The following SCRN2 variants were observed in gnomAD, a reference collection of about 807,000 sequenced individuals.
The protein encoded by SCRN2 is secernin 2.
In SCRN2, 30 loss-of-function variants were observed where a neutral mutation model predicts 40.1. The observed-to-expected ratio is 0.75, with a 90% CI of 0.56 to 1.01. SCRN2 has a LOEUF of 1.01. SCRN2 is among the 50% of genes least tolerant of loss of function. The pLI, the probability that SCRN2 is intolerant of heterozygous loss-of-function variation, is 0.00. For synonymous variants in SCRN2, 240 were observed against 233.5 expected, an observed-to-expected ratio of 1.03 and a Z score of -0.25; for missense variants, 526 against 564.9, an observed-to-expected ratio of 0.93 and a Z score of 0.70.
chr17:47,837,760 G>T lies in SCRN2; in HGVS notation c.*84C>A. On this transcript the variant is annotated 3_prime_UTR_variant, in exon 8 of 8. Coordinates refer to ENST00000290216, the MANE Select transcript of SCRN2 (RefSeq NM_138355.4). The stretch of plus-strand genomic sequence containing the variant: ...TCAGAACATGGCCAAGGAGCGTGAA[G>T]GGATTGCTCCACTTTACCACCACTC... 6.9e-7 allele frequency: 1 copy of T among 1,458,308 alleles called. No homozygotes were observed. The highest frequency in any genetic ancestry group is 1.4e-5 in the South Asian group (1 of 73,908). 90.3% of individuals were successfully genotyped at this position (1,458,308 alleles called of 1,614,324 possible).
At chr17:47,838,115 T>C in intron 7 of SCRN2, 113 bp from the exon 8 acceptor site, 1 of 1,531,022 alleles carries the variant, frequency 6.5e-7, no homozygotes, top group Non-Finnish European at 8.7e-7. Flanking sequence ...CCCCCGACAT[T>C]CCCCAAAGGC....
In SCRN2 at chr17:47,838,838, GC is replaced by G. The variant is rs1346111847; in HGVS notation, c.724del (p.Ala242ProfsTer23). ...CCGCCCTGCCTGGAAGCGGGCCTTG[GC>G]AGCCTCCATGCGCACAGGCTGCTGG... is the stretch of plus-strand genomic sequence containing the variant. ...LTQQPVRMEA[A>X]KARFQAGREL... On this transcript the variant is annotated frameshift_variant, in exon 5 of 8. Transcript: ENST00000290216. LOFTEE classifies it high-confidence loss of function. The G allele has an allele frequency of 6.2e-7, 1 of 1,613,424 alleles. No homozygotes were observed. Among genetic ancestry groups the G allele is most frequent in the Non-Finnish European group, 8.5e-7 (1 of 1,180,046 alleles).
chr17:47,840,599 G>A (rs1420548017), intron 2 of SCRN2, 71 bp downstream of exon 2: 3 of 1,469,918 alleles, frequency 2.0e-6, no homozygotes, highest in East Asian at 2.3e-5. Flanking sequence ...GGTGTGGGGA[G>A]CAGGGAAGAA....
chr17:47,839,146 A>C, intron 4 of SCRN2, 140 bp from the exon 5 acceptor site: 1 of 850,664 alleles, frequency 1.2e-6, no homozygotes, highest in Non-Finnish European at 1.8e-6. Flanking sequence ...GGAGGCAGAC[A>C]AAATAATCAC....
Position 47,840,385 on chromosome 17 carries a change from G to A in SCRN2, c.175-13C>T. 1.9e-6 allele frequency: 3 copies of A among 1,613,130 alleles called. No homozygotes were observed. Among genetic ancestry groups the A allele is most frequent in the South Asian group, 2.2e-5 (2 of 91,062 alleles). The stretch of plus-strand genomic sequence containing the variant: ...CAATGTAGGTGCACTGGAGGTGAGG[G>A]AGGAGAAAGGAAGCGTCCACTCATA... On this transcript the variant is annotated splice_polypyrimidine_tract_variant and intron_variant, in intron 2 of 7. Coordinates refer to ENST00000290216, the MANE Select transcript of SCRN2 (RefSeq NM_138355.4).
At chr17:47,838,102 T>G (rs878295) in intron 7 of SCRN2, 100 bp from the exon 8 acceptor site, 532,671 of 1,540,662 alleles carry the variant, frequency 0.35, 99,149 homozygotes, top group Non-Finnish European at 0.39. Flanking sequence ...AGAAAGGAGA[T>G]ACCCCCCGAC....
rs150264707 is a variant in SCRN2, at chr17:47,839,020, C to A, written c.557-14G>T. Reference sequence around the variant, plus strand: ...TGCGGGCCCCCTCTGTGGAGGAGATCGGGGAGTGGTTCATTTACCATTGAG... The same window carrying A: ...TGCGGGCCCCCTCTGTGGAGGAGATAGGGGAGTGGTTCATTTACCATTGAG... On this transcript the variant is annotated splice_polypyrimidine_tract_variant and intron_variant, in intron 4 of 7. Transcript: ENST00000290216. 7 of 1,612,126 alleles carry A rather than the reference C, an allele frequency of 4.3e-6. No individual in the cohort carries two copies. The highest frequency in any genetic ancestry group is 5.9e-6 in the Non-Finnish European group (7 of 1,179,050).
intron 7 of SCRN2, 125 bp downstream of exon 7, chr17:47,838,145 A>G: frequency 6.6e-7 from 1 of 1,521,422 alleles, no homozygotes; most frequent in South Asian, 1.3e-5. Context: ...CTTTGAAGGG[A>G]GGAACTCCTC....
At position 47,838,920 on chromosome 17, in the gene SCRN2, T is replaced by G; in HGVS notation, c.643A>C (p.Lys215Gln). The G allele has an allele frequency of 6.2e-7, 1 of 1,613,996 alleles. No individual in the cohort carries two copies. Among genetic ancestry groups the G allele is most frequent in the Non-Finnish European group, 8.5e-7 (1 of 1,180,036 alleles). Residue 215 changes from lysine (K) to glutamine (Q), a missense_variant, in exon 5 of 8, where the codon AAG (lysine) becomes CAG (glutamine). Physicochemically the swap from Lys to Gln is moderately conservative, Grantham distance 53. Coordinates refer to ENST00000290216, the MANE Select transcript of SCRN2 (RefSeq NM_138355.4). The part of the protein sequence containing the change: ...HPELRTHAQA[K>Q]GWWDGQGAFD... ...GCACCCTGCCCATCCCACCAGCCCTTGGCCTGGGCATGAGTCCGCAGCTCC... is the reference window on the plus strand; with the variant it reads ...GCACCCTGCCCATCCCACCAGCCCTGGGCCTGGGCATGAGTCCGCAGCTCC...
intron 2 of SCRN2, 118 bp downstream of exon 2, chr17:47,840,527 GCTCAGGTCCAGGTTGGTAGACCTAA>G: frequency 3.2e-6 from 4 of 1,232,012 alleles, no homozygotes; most frequent in Non-Finnish European, 4.5e-6. Context: ...TACATAATGA[GCTCAGGTCCAGGTTGGTAGACCTAA>G]AGCTCATGCT....
chr17:47,840,857 G>A lies in SCRN2; in HGVS notation c.1-14C>T, dbSNP rs1469512139. On this transcript the variant is annotated splice_polypyrimidine_tract_variant and intron_variant, in intron 1 of 7. Coordinates refer to ENST00000290216, the MANE Select transcript of SCRN2 (RefSeq NM_138355.4). ...CGACGACGCCATCTGGGGAGAGGCG[G>A]GCCTCTCCATAACCCTGGCCACGGC... The A allele has an allele frequency of 6.6e-6, 10 of 1,510,354 alleles. No homozygotes were observed. In the Admixed American group the frequency reaches 2.0e-4, roughly 30 times the overall value. The allele number at this position is 1,510,354 out of a possible 1,614,324, so 93.6% of individuals were successfully genotyped here. A position where few individuals can be genotyped will look rare whatever the true frequency, so the allele number is the denominator to read the frequency against.
At chr17:47,839,728 C>A in intron 3 of SCRN2, 85 bp from the exon 4 acceptor site, 1 of 1,486,380 alleles carries the variant, frequency 6.7e-7, no homozygotes, top group Non-Finnish European at 9.3e-7. Context: ...AGAAGAGGCC[C>A]GGAGAGGTTT....
chr17:47,838,275 C>A lies in SCRN2; in HGVS notation c.1114G>T (p.Asp372Tyr). 1 of 1,588,908 alleles carries A rather than the reference C, an allele frequency of 6.3e-7. No individual in the cohort carries two copies. The highest frequency in any genetic ancestry group is 8.5e-7 in the Non-Finnish European group (1 of 1,171,082). Residue 372 changes from aspartate to tyrosine, a missense_variant, in exon 7 of 8, where the codon GAT (aspartate) becomes TAT (tyrosine). Transcript: ENST00000290216. The stretch of plus-strand genomic sequence containing the variant: ...CCCTACTCCCTGGGGGATACCTGAT[C>A]TCTCTCCATCAGCCCCAGGGCTGCC... The part of the protein sequence containing the change: ...HQAALGLMER[D>Y]QDRGQQLQQK...
intron 4 of SCRN2, 76 bp downstream of exon 4, chr17:47,839,368 T>G: frequency 6.8e-7 from 1 of 1,474,330 alleles, no homozygotes; most frequent in Non-Finnish European, 9.3e-7. Context: ...CTGACAGGCT[T>G]GCACCTGGAT....
At chr17:47,841,103 C>T (rs2143633921) in intron 1 of SCRN2, 105 bp downstream of exon 1, 1 of 366,970 alleles carries the variant, frequency 2.7e-6, no homozygotes, top group East Asian at 4.2e-5. Context: ...GTGGGACCGT[C>T]CCCCTCGCTA....
Position 47,839,490 on chromosome 17 carries a change from C to A in SCRN2, c.510G>T (p.Trp170Cys). The change falls in exon 4 of 8, where the codon TGG becomes TGT. Residue 170 changes from tryptophan to cysteine, a missense_variant. Coordinates refer to ENST00000290216, the MANE Select transcript of SCRN2 (RefSeq NM_138355.4). ...AGAGCCTCCCAGCTGTCTCCAGCACCCACGCCTCAGTGCGGTCAGCCAGCA... is the reference window on the plus strand; with the variant it reads ...AGAGCCTCCCAGCTGTCTCCAGCACACACGCCTCAGTGCGGTCAGCCAGCA... ...TFLLADRTEA[W>C]VLETAGRLWA... 1 of 1,613,676 alleles carries A rather than the reference C, an allele frequency of 6.2e-7. No individual in the cohort carries two copies. The highest frequency in any genetic ancestry group is 2.2e-5 in the East Asian group (1 of 44,888).
chr17:47,840,629 G>T (rs368215695), intron 2 of SCRN2, 41 bp downstream of exon 2: 1 of 1,545,366 alleles, frequency 6.5e-7, no homozygotes, highest in East Asian at 2.3e-5. Context: ...AGAATGCAGA[G>T]ATCTGCCACA....
rs1429706695 is a variant in SCRN2, at chr17:47,838,792, T to C, written c.771A>G (p.Gln257=). The C allele has an allele frequency of 1.2e-6, 2 of 1,612,756 alleles. No individual in the cohort carries two copies. Among genetic ancestry groups the C allele is most frequent in the Admixed American group, 3.3e-5 (2 of 60,020 alleles). Residue 257 remains glutamine, a splice_region_variant and synonymous_variant, in exon 5 of 8, where the codon CAA becomes CAG. Coordinates refer to ENST00000290216, the MANE Select transcript of SCRN2 (RefSeq NM_138355.4). ...CAGCCCCCTCCACCGTTCACTAACC[T>C]TGCCGTTGCCGCAGCAGCTCCCGCC... ...QAGRELLRQR[Q]GGITAEVMMG...
In SCRN2 at chr17:47,839,573, C is replaced by T. The variant is rs759461917; in HGVS notation, c.427G>A (p.Gly143Arg). 10 of 1,613,974 alleles carry T rather than the reference C, an allele frequency of 6.2e-6. No homozygotes were observed. In the Admixed American group the frequency reaches 1.7e-4, roughly 27 times the overall value. ...HVITGLLEHY[G>R]QGGNCLEDAA... ...TCCTCCAGGCAGTTGCCCCCCTGCC[C>T]ATAGTGCTCCAGTAACCCTGTGATC... Residue 143 changes from glycine to arginine, a missense_variant, in exon 4 of 8, where the codon GGG (glycine) becomes AGG (arginine). Physicochemically the swap from Gly to Arg is moderately radical, Grantham distance 125 (BLOSUM62 -2). Transcript: ENST00000290216.
Sources: allele counts gnomAD v4.1 joint callset, GRCh38; gene constraint gnomAD v4.1.1; transcripts MANE v1.5; gene names NCBI Gene and HGNC (gene_info 2026-07-23, HGNC 2026-07-21).